The following DYNC2H1 variants were observed in gnomAD, a reference collection of about 807,000 sequenced individuals.
DYNC2H1 encodes dynein cytoplasmic 2 heavy chain 1, also known as cytoplasmic dynein 2 heavy chain 1.
DYNC2H1 carries 410 observed loss-of-function variants against 570.0 expected under a neutral mutation model. That is an observed-to-expected ratio of 0.72 (90% CI 0.66 to 0.78). DYNC2H1 has a LOEUF of 0.78. DYNC2H1 is among the 30% of genes least tolerant of loss of function. DYNC2H1 has a pLI of 0.00. For synonymous variants in DYNC2H1, 1,688 were observed against 1,677.6 expected (o/e 1.01, Z -0.15); for missense variants, 4,865 against 5,046.4 (o/e 0.96, Z 1.09).
At position 103,154,548 on chromosome 11, in the gene DYNC2H1, T is replaced by A. The variant is rs1472799177; in HGVS notation, c.3400T>A (p.Tyr1134Asn). Reference sequence around the variant, plus strand: ...GAGCTGTGCCCAAATTTGGGCCTTTTATGAAGAGTTTCAACAAGGATTTCA... The same window carrying A: ...GAGCTGTGCCCAAATTTGGGCCTTTAATGAAGAGTTTCAACAAGGATTTCA... ...IESCAQIWAF[Y>N]EEFQQGFQEM... The change falls in exon 23 of 89, where the codon TAT becomes AAT. Residue 1134 changes from tyrosine (Y) to asparagine (N), a missense_variant. Tyr to Asn is a moderately radical substitution (Grantham distance 143). Coordinates refer to ENST00000375735, the MANE Select transcript of DYNC2H1 (RefSeq NM_001377.3). 6.3e-7 allele frequency: 1 copy of A among 1,597,034 alleles called. No homozygotes were observed. Among genetic ancestry groups the A allele is most frequent in the Non-Finnish European group, 8.5e-7 (1 of 1,171,864 alleles).
intron 76 of DYNC2H1, among the ~76,000 whole-genome samples, chr11:103,304,035 T>A (rs185651919): frequency 1.3e-5 from 2 of 152,126 alleles, no homozygotes; most frequent in East Asian, 3.9e-4. Context: ...TCAGGGTGCC[T>A]TTTTTTCAAT....
Position 103,199,325 on chromosome 11 carries a change from T to C in DYNC2H1, c.7937T>C (p.Phe2646Ser). 1 of 1,611,942 alleles carries C rather than the reference T, an allele frequency of 6.2e-7. No individual in the cohort carries two copies. Among genetic ancestry groups the C allele is most frequent in the South Asian group, 1.1e-5 (1 of 91,002 alleles). Residue 2646 changes from phenylalanine (F) to serine (S), a missense_variant, in exon 49 of 89, where the codon TTC (phenylalanine) becomes TCC (serine). This residue lies in a region of DYNC2H1 where 2,401 missense variants were observed against 2,454.6 expected (regional missense o/e 0.98). Transcript: ENST00000375735. The surrounding 1 kb of genome is among the most constrained non-coding windows in gnomAD (Gnocchi z 4.6). ...TCTAGGATAGATAGAGTGCTGAGTT[T>C]CCCTGGAGGTTCACTTCTATTAGCA... Reference protein sequence around the residue: ...YMSRIDRVLSFPGGSLLLAGR... With the variant: ...YMSRIDRVLSSPGGSLLLAGR...
intron 77 of DYNC2H1, among the ~76,000 whole-genome samples, chr11:103,306,905 AAG>A (rs1335403621): frequency 2.6e-5 from 4 of 152,160 alleles, no homozygotes; most frequent in African/African-American, 9.7e-5. Flanking sequence ...CTTAATTTAG[AAG>A]AGACAGATCA....
At chr11:103,362,882 T>G (rs1940723353) in intron 83 of DYNC2H1, among the ~76,000 whole-genome samples, 1 of 151,924 alleles carries the variant, frequency 6.6e-6, no homozygotes, top group Admixed American at 6.6e-5. Flanking sequence ...AATACAAAAA[T>G]TAGCCAGGCA....
chr11:103,303,433 G>A (rs1429288172), intron 76 of DYNC2H1, among the ~76,000 whole-genome samples, 180 bp downstream of exon 76: 1 of 152,166 alleles, frequency 6.6e-6, no homozygotes, highest in Non-Finnish European at 1.5e-5. Flanking sequence ...CTTTGCTGAT[G>A]TAATTGAGGA....
At chr11:103,335,781 ACTT>A (rs1355220012) in intron 82 of DYNC2H1, among the ~76,000 whole-genome samples, 2 of 152,048 alleles carry the variant, frequency 1.3e-5, no homozygotes, top group Non-Finnish European at 2.9e-5. Flanking sequence ...TGATTTTTAT[ACTT>A]CTTGTGCTCC....
rs776716601 is a variant in DYNC2H1, at chr11:103,468,557, A to G, written c.12649-32A>G. ...CCTCTGACATTTGCGACTTTAATGC[A>G]TATTTTCATGACATATTTGTTTCCA... On this transcript the variant is annotated intron_variant, in intron 87 of 88. Transcript: ENST00000375735. 2.6e-6 allele frequency: 4 copies of G among 1,541,722 alleles called. No homozygotes were observed. In the East Asian group the frequency reaches 9.0e-5, roughly 35 times the overall value.
chr11:103,413,296 C>G (rs1193291744), intron 84 of DYNC2H1, among the ~76,000 whole-genome samples: 3 of 152,246 alleles, frequency 2.0e-5, no homozygotes, highest in Middle Eastern at 3.4e-3. Context: ...TAGGAAAGTT[C>G]TACTCCAACT....
chr11:103,450,949 A>T (rs1168154560), intron 85 of DYNC2H1, among the ~76,000 whole-genome samples: 1 of 152,186 alleles, frequency 6.6e-6, no homozygotes, highest in Non-Finnish European at 1.5e-5. Context: ...ACATTTTTGC[A>T]TTCTGATAAA....
intron 83 of DYNC2H1, among the ~76,000 whole-genome samples, chr11:103,393,452 G>A (rs752235218): frequency 1.3e-4 from 20 of 152,012 alleles, no homozygotes; most frequent in Non-Finnish European, 2.6e-4. Flanking sequence ...TTATTAATGT[G>A]CCATCTTTTC....
chr11:103,478,183 G>C (rs1265085228), intron 88 of DYNC2H1, among the ~76,000 whole-genome samples: 2 of 152,040 alleles, frequency 1.3e-5, no homozygotes, highest in Admixed American at 6.5e-5. Flanking sequence ...AAGAAGGGGT[G>C]GTCATTGATC....
chr11:103,413,094 CTTTGGGGAAA>C (rs1363935043), intron 84 of DYNC2H1, among the ~76,000 whole-genome samples: 1 of 152,186 alleles, frequency 6.6e-6, no homozygotes, highest in African/African-American at 2.4e-5. Context: ...TGCGTGTCAA[CTTTGGGGAAA>C]TACTGCAGTC....
At chr11:103,122,142 A>G (rs545157056) in intron 10 of DYNC2H1, among the ~76,000 whole-genome samples, 4 of 152,074 alleles carry the variant, frequency 2.6e-5, no homozygotes, top group African/African-American at 7.2e-5. Flanking sequence ...TTGACCTAAG[A>G]CTCTTATGGA....
chr11:103,353,171 G>T (rs139275018), intron 82 of DYNC2H1, among the ~76,000 whole-genome samples: 32 of 152,288 alleles, frequency 2.1e-4, no homozygotes, highest in Non-Finnish European at 4.4e-5. Flanking sequence ...AGAGCATCAG[G>T]ATAAATGGCT....
chr11:103,179,459 G>A (rs189265317), intron 39 of DYNC2H1, among the ~76,000 whole-genome samples: 2 of 151,638 alleles, frequency 1.3e-5, no homozygotes, highest in African/African-American at 4.8e-5. Flanking sequence ...ATAATTATTT[G>A]TTTAAATGAA....
chr11:103,456,134 T>C, intron 86 of DYNC2H1, 141 bp from the exon 87 acceptor site: 1 of 572,314 alleles, frequency 1.7e-6, no homozygotes, highest in Non-Finnish European at 2.8e-6. Flanking sequence ...CTCTGACATA[T>C]TATGCATAGT....
intron 83 of DYNC2H1, among the ~76,000 whole-genome samples, chr11:103,375,448 G>T (rs1941353952): frequency 6.6e-6 from 1 of 152,158 alleles, no homozygotes; most frequent in Admixed American, 6.6e-5. Context: ...CCAACAGCTT[G>T]CACCGTGCTT....
chr11:103,135,717 T>C lies in DYNC2H1; in HGVS notation c.2346-3T>C. The C allele has an allele frequency of 6.2e-7, 1 of 1,607,186 alleles. No individual in the cohort carries two copies. The highest frequency in any genetic ancestry group is 1.3e-5 in the African/African-American group (1 of 74,742). On this transcript the variant is annotated splice_region_variant and splice_polypyrimidine_tract_variant and intron_variant, in intron 16 of 88. Coordinates refer to ENST00000375735, the MANE Select transcript of DYNC2H1 (RefSeq NM_001377.3). ...TGTTTTAAAGTTATTTATTTACTTT[T>C]AGACAGGGACGATTACAATTCAGGC... is the stretch of plus-strand genomic sequence containing the variant.
At position 103,239,346 on chromosome 11, in the gene DYNC2H1, G is replaced by A. The variant is rs1864339311; in HGVS notation, c.9819+2807G>A. On this transcript the variant is annotated intron_variant, in intron 63 of 88. Transcript: ENST00000375735. This position sits in a 1 kb window ranked among gnomAD's most constrained non-coding sequence, Gnocchi z 4.3. ...ACTTTAAAGTTAACTTCTCCACATA[G>A]GAAAAAGTTTTTCAATCCTTACATA... is the stretch of plus-strand genomic sequence containing the variant. Among the ~76,000 whole-genome samples the A allele has an allele frequency of 6.6e-6, 1 of 151,912 alleles. No individual in the cohort carries two copies. Among genetic ancestry groups the A allele is most frequent in the South Asian group, 2.1e-4 (1 of 4,814 alleles).
Sources: allele counts gnomAD v4.1 joint callset (sites outside exome capture counted in the v4.1 genomes callset), GRCh38; gene constraint gnomAD v4.1.1; regional missense constraint gnomAD v4.1.1; non-coding constraint Gnocchi (gnomAD v3.1); transcripts MANE v1.5; gene names NCBI Gene and HGNC (gene_info 2026-07-23, HGNC 2026-07-21).